Variants in VDAC3 observed in about 807,000 individuals in gnomAD.
VDAC3 encodes non-selective voltage-gated ion channel VDAC3.
In VDAC3, 7 loss-of-function variants were observed where a neutral mutation model predicts 33.9. The observed-to-expected ratio is 0.21, with a 90% CI of 0.12 to 0.39. VDAC3 has a LOEUF of 0.39. Among genes scored for constraint, VDAC3 ranks in the 10% least tolerant of loss-of-function variants. The pLI is 1.00. For missense variants in VDAC3, 261 were observed against 334.5 expected (o/e 0.78, Z 1.71); for synonymous variants, 100 against 122.4 (o/e 0.82, Z 1.21).
At chr8:42,405,306 T>A in intron 9 of VDAC3, 65 bp from the exon 10 acceptor site, 3 of 1,360,736 alleles carry the variant, frequency 2.2e-6, no homozygotes, top group Non-Finnish European at 3.1e-6. Flanking sequence ...ATCTGTTGTT[T>A]CTAGAAAGTT....
intron 5 of VDAC3, among the ~76,000 whole-genome samples, chr8:42,399,222 G>A (rs1802373245): frequency 6.6e-6 from 1 of 152,102 alleles, no homozygotes; most frequent in African/African-American, 2.4e-5. Flanking sequence ...AAATCTATTA[G>A]ATATAGTCAA....
intron 6 of VDAC3, 101 bp from the exon 7 acceptor site, chr8:42,401,687 A>G (rs1802416244): frequency 1.0e-6 from 1 of 998,696 alleles, no homozygotes; most frequent in South Asian, 1.5e-5. Flanking sequence ...TAATATTTAC[A>G]TTGGGAGATG....
At position 42,398,853 on chromosome 8, in the gene VDAC3, TG is replaced by T; in HGVS notation, c.262del (p.Glu88ArgfsTer8). 1.9e-6 allele frequency: 3 copies of T among 1,613,686 alleles called. No individual in the cohort carries two copies. The highest frequency in any genetic ancestry group is 2.5e-6 in the Non-Finnish European group (3 of 1,179,912). On this transcript the variant is annotated frameshift_variant, in exon 5 of 10. Coordinates refer to ENST00000022615, the MANE Select transcript of VDAC3 (RefSeq NM_005662.7). LOFTEE classifies it high-confidence loss of function. ...CAATACTCTAGGGACAGAAATCTCTTGGGAGAATAAGGTAAGAGAACGCATT... is the reference window on the plus strand; with the variant it reads ...CAATACTCTAGGGACAGAAATCTCTTGGAGAATAAGGTAAGAGAACGCATT... ...TDNTLGTEIS[W>X]ENKLAEGLKL...
chr8:42,399,758 A>C, intron 6 of VDAC3, 55 bp downstream of exon 6: 1 of 1,539,192 alleles, frequency 6.5e-7, no homozygotes, highest in Non-Finnish European at 9.0e-7. Flanking sequence ...AAGGGTAGAG[A>C]GCTTTAGAAT....
At chr8:42,402,342 CT>C (rs1157405478) in intron 7 of VDAC3, among the ~76,000 whole-genome samples, 1 of 152,212 alleles carries the variant, frequency 6.6e-6, no homozygotes, top group African/African-American at 2.4e-5. Context: ...GCTTCCTCTG[CT>C]GCCCTCTCAT....
At position 42,395,762 on chromosome 8, in the gene VDAC3, A is replaced by G. The variant is rs192241887; in HGVS notation, c.117+629A>G. On this transcript the variant is annotated intron_variant, in intron 4 of 9. Transcript: ENST00000022615. ...GTCATGAGGTCAGGAGTTCGAGACC[A>G]GCCTGGTCAACATTCTGAAACCCCG... 5.6e-3 allele frequency among the ~76,000 whole-genome samples: 856 copies of G among 151,904 alleles called. 2 individuals carry two copies. Among genetic ancestry groups the G allele is most frequent in the Non-Finnish European group, 0.011 (733 of 67,946 alleles).
In VDAC3 at chr8:42,401,700, A is replaced by C. The variant is rs559973547; in HGVS notation, c.324-88A>C. 209 of 1,160,794 alleles carry C rather than the reference A, an allele frequency of 1.8e-4. 1 individual carries two copies. The Middle Eastern group carries it at 3.1e-3, about 17-fold the overall frequency. The allele number at this position is 1,160,794 out of a possible 1,614,324, so 71.9% of individuals were successfully genotyped here. The stretch of plus-strand genomic sequence containing the variant: ...AATAATATTTACATTGGGAGATGAG[A>C]GAGAGGATCTTACTCTAAAAATTCC... On this transcript the variant is annotated intron_variant, in intron 6 of 9. Transcript: ENST00000022615.
chr8:42,395,390 CAT>C (rs1164821581), intron 4 of VDAC3, among the ~76,000 whole-genome samples: 1 of 152,236 alleles, frequency 6.6e-6, no homozygotes, highest in East Asian at 1.9e-4. Flanking sequence ...TGACCCATGT[CAT>C]ATGTTTATAC....
chr8:42,399,619 C>T (rs1201577573), intron 5 of VDAC3, 32 bp from the exon 6 acceptor site: 4 of 1,575,274 alleles, frequency 2.5e-6, no homozygotes, highest in Non-Finnish European at 2.6e-6. Flanking sequence ...TTGAAAATTA[C>T]TAATTATTTA....
At chr8:42,403,570 C>A in intron 8 of VDAC3, 109 bp downstream of exon 8, 1 of 1,193,950 alleles carries the variant, frequency 8.4e-7, no homozygotes, top group Non-Finnish European at 1.2e-6. Context: ...TTTAATAAGC[C>A]AGCTCATTGT....
rs1450097032 is a variant in VDAC3 at position 42,405,758 on chromosome 8, C to G, written c.*296C>G. 3.5e-6 allele frequency: 1 copy of G among 281,982 alleles called. No homozygotes were observed. The highest frequency in any genetic ancestry group is 6.7e-6 in the Non-Finnish European group (1 of 148,814). The allele number at this position is 281,982 out of a possible 1,614,324, so 17.5% of individuals were successfully genotyped here. ...GTCATGTTAGAGGAGACGATCTGAC[C>G]CACCAGTTTGTACATCACGTCCTGC... is the stretch of plus-strand genomic sequence containing the variant. On this transcript the variant is annotated 3_prime_UTR_variant, in exon 10 of 10. Coordinates refer to ENST00000022615, the MANE Select transcript of VDAC3 (RefSeq NM_005662.7).
chr8:42,404,759 G>T, intron 8 of VDAC3, 108 bp from the exon 9 acceptor site: 4 of 711,410 alleles, frequency 5.6e-6, no homozygotes, highest in Non-Finnish European at 8.9e-6. Context: ...ATTCTAGATT[G>T]GCCCTAGGGT....
chr8:42,405,215 A>T (rs1802479130), intron 9 of VDAC3, among the ~76,000 whole-genome samples, 156 bp from the exon 10 acceptor site: 1 of 152,222 alleles, frequency 6.6e-6, no homozygotes, highest in Admixed American at 6.5e-5. Context: ...ATTACACATC[A>T]GATAGTTATA....
At chr8:42,394,100 GGAAGA>G (rs1288861624) in intron 2 of VDAC3, 105 bp from the exon 3 acceptor site, 1 of 940,830 alleles carries the variant, frequency 1.1e-6, no homozygotes, top group East Asian at 2.4e-5. Context: ...ATGATACACA[GGAAGA>G]GAAAACTGTA....
intron 3 of VDAC3, 98 bp from the exon 4 acceptor site, chr8:42,394,986 G>T: frequency 1.5e-6 from 2 of 1,373,298 alleles, no homozygotes. Flanking sequence ...TTTTTCATAT[G>T]GAAGGTACTA....
Position 42,405,558 on chromosome 8 carries a change from G to A in VDAC3, c.*96G>A, listed in dbSNP as rs1284504960. ...AAAATTCTTCTGTGAAATTTCAAAA[G>A]TGTGAACTTTTTATTCTTCCAAAGA... On this transcript the variant is annotated 3_prime_UTR_variant, in exon 10 of 10. Transcript: ENST00000022615. The A allele has an allele frequency of 2.0e-5, 21 of 1,073,576 alleles. No individual in the cohort carries two copies. The highest frequency in any genetic ancestry group is 6.3e-5 in the Admixed American group (3 of 47,312). The allele number at this position is 1,073,576 out of a possible 1,614,324, so 66.5% of individuals were successfully genotyped here.
chr8:42,395,982 G>A (rs1802304218), intron 4 of VDAC3, among the ~76,000 whole-genome samples: 1 of 149,896 alleles, frequency 6.7e-6, no homozygotes, highest in African/African-American at 2.5e-5. Context: ...AAAAGGCCAG[G>A]TGCGGTGGCT....
intron 3 of VDAC3, 117 bp downstream of exon 3, chr8:42,394,395 A>C: frequency 1.1e-6 from 1 of 872,940 alleles, no homozygotes; most frequent in South Asian, 1.7e-5. Context: ...ACTTCACAAG[A>C]TTTAAGGGGA....
At chr8:42,404,764 T>A in intron 8 of VDAC3, 103 bp from the exon 9 acceptor site, 5 of 843,892 alleles carry the variant, frequency 5.9e-6, no homozygotes, top group Non-Finnish European at 9.3e-6. Flanking sequence ...AGATTGGCCC[T>A]AGGGTGCTTT....
Sources: gnomAD v4.1 joint callset for allele counts (sites outside exome capture counted in the v4.1 genomes callset) on GRCh38, gnomAD v4.1.1 for gene constraint, MANE v1.5 for transcripts, NCBI Gene and HGNC (gene_info 2026-07-23, HGNC 2026-07-21) for gene names.